Variants in SIGLEC1 observed in about 807,000 individuals in gnomAD.
SIGLEC1 encodes sialic acid binding Ig like lectin 1.
A neutral mutation model predicts 148.0 loss-of-function variants in SIGLEC1; 132 were observed. That is an observed-to-expected ratio of 0.89 (90% CI 0.77 to 1.03). SIGLEC1 has a LOEUF of 1.03. Ranked by LOEUF, SIGLEC1 falls within the 50% of genes least tolerant of loss-of-function variation. The probability of loss-of-function intolerance (pLI) is 0.00; values close to 1 mark genes in which losing one functional copy is unlikely to be tolerated. For synonymous variants in SIGLEC1, 945 were observed against 969.0 expected, an observed-to-expected ratio of 0.98 and a Z score of 0.46; for missense variants, 2,253 against 2,271.4, an observed-to-expected ratio of 0.99 and a Z score of 0.16.
In SIGLEC1 at chr20:3,691,602, T is replaced by C; in HGVS notation, c.4331-2A>G. ...CAGGCTCTGCCACCACGCGTGCACC[T>C]GCGGGCGGAGGATAGAGAGATGATT... On this transcript the variant is annotated splice_acceptor_variant, in intron 17 of 21. Coordinates refer to ENST00000344754, the MANE Select transcript of SIGLEC1 (RefSeq NM_023068.4). LOFTEE classifies it high-confidence loss of function. 6.2e-7 allele frequency: 1 copy of C among 1,611,018 alleles called. No individual in the cohort carries two copies. The highest frequency in any genetic ancestry group is 8.5e-7 in the Non-Finnish European group (1 of 1,178,998).
intron 3 of SIGLEC1, 144 bp from the exon 4 acceptor site, chr20:3,706,184 T>G (rs760851262): frequency 1.2e-5 from 15 of 1,287,852 alleles, no homozygotes; most frequent in African/African-American, 3.0e-5. Context: ...CCCACTTGGG[T>G]GAATACAAGG....
rs759915072 is a variant in SIGLEC1, at chr20:3,696,866, C to G, written c.2403G>C (p.Leu801=). ...CCTGGCCCATGTCTAGGAGGGCTGA[C>G]AGCTTTGGACGGTCCGGGGGATCTG... ...SVLYPPDRPK[L]SALLDMGQGH... Residue 801 remains leucine, a synonymous_variant, in exon 11 of 22, where the codon CTG becomes CTC. Transcript: ENST00000344754. The G allele has an allele frequency of 6.4e-7, 1 of 1,560,106 alleles. No homozygotes were observed. The highest frequency in any genetic ancestry group is 2.3e-5 in the East Asian group (1 of 44,372).
At position 3,703,422 on chromosome 20, in the gene SIGLEC1, G is replaced by A. The variant is rs778511177; in HGVS notation, c.1003C>T (p.Pro335Ser). 6.3e-7 allele frequency: 1 copy of A among 1,586,902 alleles called. No homozygotes were observed. The highest frequency in any genetic ancestry group is 8.6e-7 in the Non-Finnish European group (1 of 1,165,076). ...GTCACTGTCTGGTTCTCCAGGATGG[G>A]ACCTGCTGGGCTCACCTGGACCTCA... ...MAEVQVSPAG[P>S]ILENQTVTLV... Residue 335 changes from proline (P) to serine (S), a missense_variant, in exon 6 of 22, where the codon CCC becomes TCC. Physicochemically the swap from Pro to Ser is moderately conservative, Grantham distance 74 (BLOSUM62 -1). Coordinates refer to ENST00000344754, the MANE Select transcript of SIGLEC1 (RefSeq NM_023068.4).
At position 3,703,455 on chromosome 20, in the gene SIGLEC1, C is replaced by T; in HGVS notation, c.974-4G>A. 6.4e-7 allele frequency: 1 copy of T among 1,566,284 alleles called. No homozygotes were observed. Among genetic ancestry groups the T allele is most frequent in the Non-Finnish European group, 8.7e-7 (1 of 1,153,506 alleles). On this transcript the variant is annotated splice_region_variant and splice_polypyrimidine_tract_variant and intron_variant, in intron 5 of 21. Coordinates refer to ENST00000344754, the MANE Select transcript of SIGLEC1 (RefSeq NM_023068.4). Reference sequence around the variant, plus strand: ...GGGCTCACCTGGACCTCAGCCACTGCAAGGGCAGCATAGGGAGTGCTGGGG... The same window carrying T: ...GGGCTCACCTGGACCTCAGCCACTGTAAGGGCAGCATAGGGAGTGCTGGGG...
At position 3,691,840 on chromosome 20, in the gene SIGLEC1, C is replaced by A. The variant is rs571165898; in HGVS notation, c.4330+63G>T. ...AGCCCGCTCTAGTGGGAGCTCCAGC[C>A]CCTCTCGTGGACTTGGACCTGAGAG... On this transcript the variant is annotated intron_variant, in intron 17 of 21. Transcript: ENST00000344754. 17 of 1,507,320 alleles carry A rather than the reference C, an allele frequency of 1.1e-5. No homozygotes were observed. In the Admixed American group the frequency reaches 2.4e-4, roughly 21 times the overall value. The allele number at this position is 1,507,320 out of a possible 1,614,324, so 93.4% of individuals were successfully genotyped here. A position where few individuals can be genotyped will look rare whatever the true frequency, so the allele number is the denominator to read the frequency against.
intron 11 of SIGLEC1, 109 bp from the exon 12 acceptor site, chr20:3,695,032 G>A (rs2088809325): frequency 8.3e-7 from 1 of 1,198,966 alleles, no homozygotes; most frequent in Non-Finnish European, 1.1e-6. Context: ...ATGTGCTGGA[G>A]CCGCAGCCCC....
chr20:3,689,317 C>A, intron 20 of SIGLEC1, 90 bp from the exon 21 acceptor site: 1 of 1,168,154 alleles, frequency 8.6e-7, no homozygotes. Context: ...TGGCTCCAGA[C>A]CACAAGAGCG....
chr20:3,703,056 A>C, intron 6 of SIGLEC1, 141 bp downstream of exon 6: 1 of 896,806 alleles, frequency 1.1e-6, no homozygotes, highest in Non-Finnish European at 1.7e-6. Flanking sequence ...CCAGGTGTGC[A>C]GAGCTGGGAC....
At chr20:3,706,802 T>C (rs1350583407) in intron 2 of SIGLEC1, 96 bp from the exon 3 acceptor site, 2 of 1,387,704 alleles carry the variant, frequency 1.4e-6, no homozygotes, top group Admixed American at 2.6e-5. Context: ...GTGCCCCAGC[T>C]GGGCTCCCAA....
Position 3,701,656 on chromosome 20 carries a change from G to C in SIGLEC1, c.1229-15C>G, listed in dbSNP as rs566129031. 2.1e-5 allele frequency: 33 copies of C among 1,536,488 alleles called. No individual in the cohort carries two copies. The South Asian group carries it at 3.8e-4, about 18-fold the overall frequency. Reference sequence around the variant, plus strand: ...GAGAGGCGGGTCTGTGTGGAGACGAGAGGTGGGCCTGTCACCCTCAGACAA... The same window carrying C: ...GAGAGGCGGGTCTGTGTGGAGACGACAGGTGGGCCTGTCACCCTCAGACAA... On this transcript the variant is annotated splice_polypyrimidine_tract_variant and intron_variant, in intron 6 of 21. Transcript: ENST00000344754.
rs767129010 is a variant in SIGLEC1, at chr20:3,688,501, G to T, written c.*59C>A. The T allele has an allele frequency of 1.5e-6, 2 of 1,362,878 alleles. No homozygotes were observed. The highest frequency in any genetic ancestry group is 1.2e-5 in the South Asian group (1 of 80,382). The allele number at this position is 1,362,878 out of a possible 1,614,324, so 84.4% of individuals were successfully genotyped here. ...AACACTGCCTCATTCACATTCATAGGCTGGAGTCATCACAGATTCTGGCCA... is the reference window on the plus strand; with the variant it reads ...AACACTGCCTCATTCACATTCATAGTCTGGAGTCATCACAGATTCTGGCCA... On this transcript the variant is annotated 3_prime_UTR_variant, in exon 22 of 22. Transcript: ENST00000344754.
At chr20:3,698,230 C>T in intron 8 of SIGLEC1, 97 bp from the exon 9 acceptor site, 1 of 1,096,164 alleles carries the variant, frequency 9.1e-7, no homozygotes, top group Non-Finnish European at 1.3e-6. Context: ...AAGGCAGATC[C>T]CGAAGGCTGC....
intron 18 of SIGLEC1, among the ~76,000 whole-genome samples, chr20:3,690,928 T>C (rs2146518139): frequency 6.7e-6 from 1 of 148,754 alleles, no homozygotes; most frequent in Admixed American, 6.8e-5. Context: ...CCTCCCAGGC[T>C]CAAGTGAGTC....
At position 3,707,040 on chromosome 20, in the gene SIGLEC1, C is replaced by T. The variant is rs6115996; in HGVS notation, c.49+40G>A. On this transcript the variant is annotated intron_variant, in intron 2 of 21. Transcript: ENST00000344754. ...CTGCCAAGGGCTGGACTTATGAAGG[C>T]TGGACCCTGGAAGACAGGCACTAGG... 29,499 of 1,600,524 alleles carry T rather than the reference C, an allele frequency of 0.018. 4,573 individuals carry two copies. In the African/African-American group the frequency reaches 0.34, roughly 18 times the overall value.
rs901847774 is a variant in SIGLEC1 at position 3,707,223 on chromosome 20, T to G, written c.-95A>C. ...CCTCCAGGGACACCTCTGGGCACTT[T>G]AGCCCCAGCACCTGCTAGAAGTCCG... On this transcript the variant is annotated 5_prime_UTR_variant, in exon 2 of 22. Transcript: ENST00000344754. 2 of 1,114,006 alleles carry G rather than the reference T, an allele frequency of 1.8e-6. No individual in the cohort carries two copies. The highest frequency in any genetic ancestry group is 2.7e-6 in the Non-Finnish European group (2 of 742,078). The allele number at this position is 1,114,006 out of a possible 1,614,324, so 69.0% of individuals were successfully genotyped here.
chr20:3,705,992 C>T lies in SIGLEC1; in HGVS notation c.458G>A (p.Gly153Asp). Reference protein sequence around the residue: ...TIASPVELLEGTEVDFNCSTP... With the variant: ...TIASPVELLEDTEVDFNCSTP... The stretch of plus-strand genomic sequence containing the variant: ...GGAGCAGTTGAAGTCCACCTCTGTG[C>T]CCTCGAGAAGCTCCACCGGGGAGGC... Residue 153 changes from glycine to aspartate, a missense_variant, in exon 4 of 22, where the codon GGC (glycine) becomes GAC (aspartate). Coordinates refer to ENST00000344754, the MANE Select transcript of SIGLEC1 (RefSeq NM_023068.4). 1 of 1,613,900 alleles carries T rather than the reference C, an allele frequency of 6.2e-7. No individual in the cohort carries two copies. Among genetic ancestry groups the T allele is most frequent in the Non-Finnish European group, 8.5e-7 (1 of 1,180,008 alleles).
At position 3,694,449 on chromosome 20, in the gene SIGLEC1, C is replaced by A; in HGVS notation, c.3028G>T (p.Asp1010Tyr). ...LGLLLCRVDS[D>Y]PPAQLRLLHG... is the part of the protein sequence containing the mutation. ...AGCAGCCGCAGCTGGGCCGGAGGGT[C>A]ACTGTCCACACGGCACAGGAGGAGG... The change falls in exon 13 of 22, where the codon GAC becomes TAC. Residue 1010 changes from aspartate to tyrosine, a missense_variant. Coordinates refer to ENST00000344754, the MANE Select transcript of SIGLEC1 (RefSeq NM_023068.4). 1.2e-6 allele frequency: 2 copies of A among 1,609,404 alleles called. No individual in the cohort carries two copies. Among genetic ancestry groups the A allele is most frequent in the Non-Finnish European group, 1.7e-6 (2 of 1,177,310 alleles).
chr20:3,701,780 C>T, intron 6 of SIGLEC1, 139 bp from the exon 7 acceptor site: 1 of 783,970 alleles, frequency 1.3e-6, no homozygotes, highest in Non-Finnish European at 1.9e-6. Context: ...GCCTGAGTGC[C>T]TGCTGAATAC....
intron 11 of SIGLEC1, 87 bp from the exon 12 acceptor site, chr20:3,695,010 C>T (rs1466694026): frequency 2.2e-6 from 3 of 1,377,014 alleles, no homozygotes; most frequent in African/African-American, 1.4e-5. Context: ...TAGGACTACA[C>T]AACCCAACCC....
Sources: gnomAD v4.1 joint callset for allele counts (sites outside exome capture counted in the v4.1 genomes callset) on GRCh38, gnomAD v4.1.1 for gene constraint, MANE v1.5 for transcripts, NCBI Gene and HGNC (gene_info 2026-07-23, HGNC 2026-07-21) for gene names.